The following ALKAL1 variants were observed in gnomAD, a reference collection of about 807,000 sequenced individuals.
The protein encoded by ALKAL1 is ALK and LTK ligand 1, also known as AUG-beta.
A neutral mutation model predicts 13.5 loss-of-function variants in ALKAL1; 23 were observed. That is an observed-to-expected ratio of 1.70 (90% CI 1.23 to 2.41). ALKAL1 has a LOEUF of 2.41. Ranked by LOEUF, ALKAL1 falls within the 30% of genes most tolerant of loss-of-function variation. The pLI is 0.00. For missense variants in ALKAL1, 181 were observed against 178.4 expected (o/e 1.01, Z -0.08); for synonymous variants, 85 against 77.7 (o/e 1.09, Z -0.49).
intron 1 of ALKAL1, among the ~76,000 whole-genome samples, chr8:52,559,552 G>T (rs1046487674): frequency 6.6e-6 from 1 of 151,996 alleles, no homozygotes; most frequent in Admixed American, 6.6e-5. Flanking sequence ...TTCTCAAAGA[G>T]TTTGTTAAAA....
At chr8:52,564,862 G>A (rs892378137) in intron 1 of ALKAL1, among the ~76,000 whole-genome samples, 2 of 152,210 alleles carry the variant, frequency 1.3e-5, no homozygotes, top group Admixed American at 6.5e-5. Flanking sequence ...CCCATTGCCA[G>A]CCGGATTTCT....
chr8:52,540,125 T>C (rs964878822), intron 2 of ALKAL1, among the ~76,000 whole-genome samples: 1 of 152,194 alleles, frequency 6.6e-6, no homozygotes, highest in Non-Finnish European at 1.5e-5. Flanking sequence ...ATGTTCTCGA[T>C]ATCTCAAATA....
rs563973612 is a variant in ALKAL1 at position 52,538,416 on chromosome 8, T to A, written c.*12+15A>T. On this transcript the variant is annotated intron_variant, in intron 4 of 4. Transcript: ENST00000358543. ...AGACTATTAAACAGGATAAGAAAAA[T>A]AAATATATACTCACAGGGTAGTTTT... is the stretch of plus-strand genomic sequence containing the variant. The A allele has an allele frequency of 1.1e-5, 16 of 1,467,500 alleles. No homozygotes were observed. The highest frequency in any genetic ancestry group is 1.4e-5 in the Non-Finnish European group (15 of 1,059,986). The allele number at this position is 1,467,500 out of a possible 1,614,324, so 90.9% of individuals were successfully genotyped here. A position where few individuals can be genotyped will look rare whatever the true frequency, so the allele number is the denominator to read the frequency against.
intron 4 of ALKAL1, among the ~76,000 whole-genome samples, 183 bp from the exon 5 acceptor site, chr8:52,534,783 G>A (rs912933778): frequency 2.0e-5 from 3 of 152,146 alleles, no homozygotes; most frequent in Non-Finnish European, 4.4e-5. Context: ...AGCACTTTTA[G>A]AGACTTTAAT....
Position 52,539,899 on chromosome 8 carries a change from A to G in ALKAL1, c.257T>C (p.Phe86Ser), listed in dbSNP as rs1442739491. The change falls in exon 3 of 5, where the codon TTT becomes TCT. Residue 86 changes from phenylalanine to serine, a missense_variant. Coordinates refer to ENST00000358543, the MANE Select transcript of ALKAL1 (RefSeq NM_207413.4). The part of the protein sequence containing the change: ...FIKHFTGPVT[F>S]SPECSKHFHR... ...GAAATGTTTGCTGCATTCTGGTGAAAATGTGACCGGCCCTAGAGCACAGGA... is the reference window on the plus strand; with the variant it reads ...GAAATGTTTGCTGCATTCTGGTGAAGATGTGACCGGCCCTAGAGCACAGGA... 6.2e-7 allele frequency: 1 copy of G among 1,613,446 alleles called. No individual in the cohort carries two copies. Among genetic ancestry groups the G allele is most frequent in the East Asian group, 2.2e-5 (1 of 44,894 alleles).
chr8:52,565,358 C>G lies in ALKAL1; in HGVS notation c.-102G>C, dbSNP rs1847591411. 1.0e-6 allele frequency: 1 copy of G among 990,472 alleles called. No homozygotes were observed. The allele number at this position is 990,472 out of a possible 1,614,324, so 61.4% of individuals were successfully genotyped here. A position where few individuals can be genotyped will look rare whatever the true frequency, so the allele number is the denominator to read the frequency against. On this transcript the variant is annotated 5_prime_UTR_variant, in exon 1 of 5. Coordinates refer to ENST00000358543, the MANE Select transcript of ALKAL1 (RefSeq NM_207413.4). ...GAAGGCCAGCGGGACCACAGCGCGG[C>G]TACGCGGCCGGCCGCAGTCTTCACC...
chr8:52,537,705 G>A (rs888747271), intron 4 of ALKAL1, among the ~76,000 whole-genome samples: 2 of 151,970 alleles, frequency 1.3e-5, no homozygotes, highest in Non-Finnish European at 2.9e-5. Flanking sequence ...CATGTTAAGT[G>A]AAGTAAGTCA....
Position 52,534,401 on chromosome 8 carries a change from T to C in ALKAL1, c.*212A>G, listed in dbSNP as rs905746304. On this transcript the variant is annotated 3_prime_UTR_variant, in exon 5 of 5. Coordinates refer to ENST00000358543, the MANE Select transcript of ALKAL1 (RefSeq NM_207413.4). ...GCGATTCAAACTCTGTTTTACAAAA[T>C]TATAAATTACTGTATACACAAAAAG... 5.3e-6 allele frequency: 2 copies of C among 379,758 alleles called. No homozygotes were observed. Among genetic ancestry groups the C allele is most frequent in the Non-Finnish European group, 9.3e-6 (2 of 215,398 alleles). 23.5% of individuals were successfully genotyped at this position (379,758 alleles called of 1,614,324 possible).
chr8:52,558,161 C>T (rs935128807), intron 1 of ALKAL1, among the ~76,000 whole-genome samples: 1 of 148,338 alleles, frequency 6.7e-6, no homozygotes, highest in Non-Finnish European at 1.5e-5. Flanking sequence ...TATATACACA[C>T]GTATATATAT....
chr8:52,537,976 G>A (rs1270301329), intron 4 of ALKAL1, among the ~76,000 whole-genome samples: 2 of 151,752 alleles, frequency 1.3e-5, no homozygotes, highest in African/African-American at 4.8e-5. Context: ...CGTGCCTGTA[G>A]TCCCAGCTAC....
chr8:52,552,935 G>A (rs939443332), intron 1 of ALKAL1, among the ~76,000 whole-genome samples: 6 of 152,148 alleles, frequency 3.9e-5, no homozygotes, highest in Non-Finnish European at 8.8e-5. Context: ...TGGTGACTAC[G>A]GTGTGGCTGC....
chr8:52,547,841 A>T (rs1378249980), intron 1 of ALKAL1, among the ~76,000 whole-genome samples: 2 of 152,232 alleles, frequency 1.3e-5, no homozygotes, highest in African/African-American at 4.8e-5. Context: ...AATTAAAATT[A>T]ATTTATTTTA....
chr8:52,548,355 A>G (rs1373102125), intron 1 of ALKAL1, among the ~76,000 whole-genome samples: 2 of 152,152 alleles, frequency 1.3e-5, no homozygotes, highest in Non-Finnish European at 2.9e-5. Flanking sequence ...CAAAAGAAAA[A>G]AAAAAAAGAA....
At chr8:52,563,000 T>C (rs773368079) in intron 1 of ALKAL1, among the ~76,000 whole-genome samples, 4 of 152,196 alleles carry the variant, frequency 2.6e-5, no homozygotes, top group African/African-American at 4.8e-5. Flanking sequence ...TTTCTCCCCT[T>C]GTGAATGTAG....
chr8:52,545,045 T>C (rs1250944561), intron 1 of ALKAL1, among the ~76,000 whole-genome samples: 1 of 152,046 alleles, frequency 6.6e-6, no homozygotes, highest in Admixed American at 6.6e-5. Context: ...CCTCCCAAAG[T>C]GTTGGAATTA....
At chr8:52,554,041 T>C (rs2150346800) in intron 1 of ALKAL1, among the ~76,000 whole-genome samples, 1 of 152,154 alleles carries the variant, frequency 6.6e-6, no homozygotes, top group South Asian at 2.1e-4. Context: ...CTGACCAACA[T>C]GGAGAAACCC....
intron 3 of ALKAL1, among the ~76,000 whole-genome samples, chr8:52,539,236 G>T (rs1003909892): frequency 6.6e-6 from 1 of 152,114 alleles, no homozygotes. Context: ...GAAAGTTGAG[G>T]CTTAGAAAGG....
chr8:52,541,252 G>T (rs1226921882), intron 2 of ALKAL1, among the ~76,000 whole-genome samples: 1 of 152,142 alleles, frequency 6.6e-6, no homozygotes, highest in African/African-American at 2.4e-5. Flanking sequence ...AAGGCAGGAG[G>T]ATCACTTGAG....
At chr8:52,539,224 A>T (rs1847290850) in intron 3 of ALKAL1, among the ~76,000 whole-genome samples, 1 of 152,240 alleles carries the variant, frequency 6.6e-6, no homozygotes, top group Admixed American at 6.5e-5. Context: ...GTTCTTTAAA[A>T]GGAAAGTTGA....
Sources: allele counts gnomAD v4.1 joint callset (sites outside exome capture counted in the v4.1 genomes callset), GRCh38; gene constraint gnomAD v4.1.1; transcripts MANE v1.5; gene names NCBI Gene and HGNC (gene_info 2026-07-23, HGNC 2026-07-21).